The following REN variants were observed in gnomAD, a reference collection of about 807,000 sequenced individuals.
The protein encoded by REN is angiotensin-forming enzyme.
A neutral mutation model predicts 48.6 loss-of-function variants in REN; 42 were observed. That is an observed-to-expected ratio of 0.86 (90% CI 0.68 to 1.12). The LOEUF is 1.12. Among genes scored for constraint, REN ranks in the 50% most tolerant of loss-of-function variants. The probability of loss-of-function intolerance (pLI) is 0.00; values close to 1 mark genes in which losing one functional copy is unlikely to be tolerated. For synonymous variants in REN, 196 were observed against 204.6 expected (o/e 0.96, Z 0.36); for missense variants, 443 against 527.3 (o/e 0.84, Z 1.57).
chr1:204,155,721 T>C, intron 9 of REN, 99 bp downstream of exon 9: 1 of 971,562 alleles, frequency 1.0e-6, no homozygotes, highest in East Asian at 2.6e-5. Context: ...GTTTGAGAAC[T>C]ACAGTTCTAA....
chr1:204,159,081 A>G (rs1194897472), intron 5 of REN, among the ~76,000 whole-genome samples: 1 of 152,154 alleles, frequency 6.6e-6, no homozygotes, highest in Non-Finnish European at 1.5e-5. Flanking sequence ...TGTCTATTAG[A>G]ATGTCCTGTC....
At chr1:204,164,653 C>T (rs1658313118) in intron 1 of REN, among the ~76,000 whole-genome samples, 1 of 148,856 alleles carries the variant, frequency 6.7e-6, no homozygotes, top group African/African-American at 2.5e-5. Flanking sequence ...TCACTGCAGC[C>T]TCCACCTCCC....
In REN at chr1:204,159,399, C is replaced by A; in HGVS notation, c.689G>T (p.Arg230Ile). ...CAGCCCTTGGAGTCCCAGTCCCCAC[C>A]TGTTGTAGTAGAAAGAGAAGACGTC... ...KEDVFSFYYNRDSENSQSLGG... is the reference protein window; with the variant it reads ...KEDVFSFYYNIDSENSQSLGG... The change falls in exon 5 of 10, where the codon AGA (arginine) becomes ATA (isoleucine). Residue 230 changes from arginine (R) to isoleucine (I), a missense_variant and splice_region_variant. Physicochemically the swap from Arg to Ile is moderately conservative, Grantham distance 97. Transcript: ENST00000272190. The A allele has an allele frequency of 6.2e-7, 1 of 1,614,046 alleles. No homozygotes were observed. Among genetic ancestry groups the A allele is most frequent in the Non-Finnish European group, 8.5e-7 (1 of 1,179,922 alleles).
intron 1 of REN, among the ~76,000 whole-genome samples, chr1:204,163,229 T>C (rs1190276931): frequency 6.6e-6 from 1 of 152,224 alleles, no homozygotes; most frequent in Non-Finnish European, 1.5e-5. Flanking sequence ...AGTCCTCCTA[T>C]ACTCACACTA....
At position 204,156,369 on chromosome 1, in the gene REN, T is replaced by A. The variant is rs752952763; in HGVS notation, c.819-50A>T. ...ACAGACAGACAGACAGACAGAAGGC[T>A]GATGGGGCACCTCCAGGCTGCATGT... On this transcript the variant is annotated intron_variant, in intron 7 of 9. Transcript: ENST00000272190. The surrounding 1 kb of genome is among the most constrained non-coding windows in gnomAD (Gnocchi z 4.2). The A allele has an allele frequency of 9.4e-6, 13 of 1,380,986 alleles. No individual in the cohort carries two copies. The Admixed American group carries it at 1.3e-4, about 13-fold the overall frequency. The allele number at this position is 1,380,986 out of a possible 1,614,324, so 85.5% of individuals were successfully genotyped here. A position where few individuals can be genotyped will look rare whatever the true frequency, so the allele number is the denominator to read the frequency against.
chr1:204,161,988 G>A (rs1323922048), intron 2 of REN, 25 bp downstream of exon 2: 2 of 1,613,190 alleles, frequency 1.2e-6, no homozygotes, highest in African/African-American at 1.3e-5. Context: ...CAGGGAGGGA[G>A]CGAGGGGCTG....
chr1:204,163,096 C>T lies in REN; in HGVS notation c.99-933G>A, dbSNP rs530856445. On this transcript the variant is annotated intron_variant, in intron 1 of 9. Transcript: ENST00000272190. ...TCCCGACATAAAGGCTGCCAAAGCCCAGAGGAAGATGTCTCTAGCTGTTCA... is the reference window on the plus strand; with the variant it reads ...TCCCGACATAAAGGCTGCCAAAGCCTAGAGGAAGATGTCTCTAGCTGTTCA... Among the ~76,000 whole-genome samples, 55 of 152,304 alleles carry T rather than the reference C, an allele frequency of 3.6e-4. 1 individual carries two copies. Among genetic ancestry groups the T allele is most frequent in the Admixed American group, 1.3e-4 (2 of 15,296 alleles).
chr1:204,161,717 G>C (rs866186981), intron 2 of REN, among the ~76,000 whole-genome samples: 3 of 152,044 alleles, frequency 2.0e-5, no homozygotes, highest in Non-Finnish European at 4.4e-5. Context: ...GCTGGGCCAG[G>C]TCACAGAAAC....
At chr1:204,163,994 A>C (rs894005780) in intron 1 of REN, among the ~76,000 whole-genome samples, 2 of 152,190 alleles carry the variant, frequency 1.3e-5, no homozygotes, top group Non-Finnish European at 2.9e-5. Context: ...TTGAGAATGG[A>C]GCTCATTCAT....
intron 3 of REN, 78 bp downstream of exon 3, chr1:204,161,214 G>C: frequency 6.8e-7 from 1 of 1,468,048 alleles, no homozygotes; most frequent in South Asian, 1.5e-5. Context: ...AGGGATGGGA[G>C]CTGGGTGTTG....
In REN at chr1:204,160,543, A is replaced by T. The variant is rs5707; in HGVS notation, c.492+17T>A. Reference sequence around the variant, plus strand: ...AGAAGGGGTCCGGGGCAGATGACCTAGGGCGGCCCAACTTACGGTGATGAT... The same window carrying T: ...AGAAGGGGTCCGGGGCAGATGACCTTGGGCGGCCCAACTTACGGTGATGAT... On this transcript the variant is annotated intron_variant, in intron 4 of 9. Transcript: ENST00000272190. The T allele has an allele frequency of 2.6e-6, 4 of 1,565,796 alleles. No individual in the cohort carries two copies. The highest frequency in any genetic ancestry group is 4.5e-5 in the East Asian group (2 of 44,640).
intron 1 of REN, 87 bp downstream of exon 1, chr1:204,166,109 T>A: frequency 9.3e-7 from 1 of 1,074,008 alleles, no homozygotes; most frequent in Admixed American, 1.7e-5. Context: ...AAGGACTGAA[T>A]GACACCGCAT....
At chr1:204,159,666 C>T (rs972264276) in intron 4 of REN, 71 bp from the exon 5 acceptor site, 11 of 1,368,500 alleles carry the variant, frequency 8.0e-6, no homozygotes, top group Admixed American at 1.7e-5. Flanking sequence ...TCTGGGCTTC[C>T]ACACTAGGGA....
Position 204,154,901 on chromosome 1 carries a change from C to T in REN, c.*115G>A. 8.1e-7 allele frequency: 1 copy of T among 1,230,444 alleles called. No individual in the cohort carries two copies. The highest frequency in any genetic ancestry group is 1.2e-6 in the Non-Finnish European group (1 of 857,378). 76.2% of individuals were successfully genotyped at this position (1,230,444 alleles called of 1,614,324 possible). A position where few individuals can be genotyped will look rare whatever the true frequency, so the allele number is the denominator to read the frequency against. The stretch of plus-strand genomic sequence containing the variant: ...GGTCAGGGCACGCATCCAGCAGGAG[C>T]TCCACATCCAATGTCTCCATCTGAG... On this transcript the variant is annotated 3_prime_UTR_variant, in exon 10 of 10. Transcript: ENST00000272190.
In REN at chr1:204,159,590, A is replaced by G. The variant is rs1448085952; in HGVS notation, c.498T>C (p.Gly166=). The change falls in exon 5 of 10, where the codon GGT becomes GGC. Residue 166 remains glycine (G), a synonymous_variant. Transcript: ENST00000272190. ...GFLSQDIITV[G]GITVTQMFGE... Reference sequence around the variant, plus strand: ...CAAACATCTGTGTCACCGTGATTCCACCCACCTGTGGGAGGAAGGACCAGA... The same window carrying G: ...CAAACATCTGTGTCACCGTGATTCCGCCCACCTGTGGGAGGAAGGACCAGA... The G allele has an allele frequency of 6.2e-7, 1 of 1,613,756 alleles. No homozygotes were observed. The highest frequency in any genetic ancestry group is 2.2e-5 in the East Asian group (1 of 44,862).
At chr1:204,157,870 G>T (rs767495655) in intron 5 of REN, among the ~76,000 whole-genome samples, 1 of 152,146 alleles carries the variant, frequency 6.6e-6, no homozygotes, top group Admixed American at 6.5e-5. Context: ...CCCATCCCAA[G>T]ATAAAAGAAG....
Position 204,156,943 on chromosome 1 carries a change from G to A in REN, c.699-147C>T. The A allele has an allele frequency of 1.9e-6, 2 of 1,053,384 alleles. No individual in the cohort carries two copies. Among genetic ancestry groups the A allele is most frequent in the Non-Finnish European group, 2.9e-6 (2 of 689,840 alleles). 65.3% of individuals were successfully genotyped at this position (1,053,384 alleles called of 1,614,324 possible). ...GGGACAGACAGCCAGGCTCGGAGCT[G>A]TCGTTGGGAAGCATGCAGAACATAC... On this transcript the variant is annotated intron_variant, in intron 6 of 9. Coordinates refer to ENST00000272190, the MANE Select transcript of REN (RefSeq NM_000537.4). The surrounding 1 kb of genome is among the most constrained non-coding windows in gnomAD (Gnocchi z 4.2).
rs1658158266 is a variant in REN at position 204,156,757 on chromosome 1, GCCTCCCAGCACAATCTGT to G, written c.720_737del (p.Gln241_Gly246del). ...TCCCTTCGTAATGCTGGGGGTCGCTGCCTCCCAGCACAATCTGTCCTCCCAGCGATTGGGAATTCCTAA... is the reference window on the plus strand; with the variant it reads ...TCCCTTCGTAATGCTGGGGGTCGCTGCCTCCCAGCGATTGGGAATTCCTAA... On this transcript the variant is annotated inframe_deletion, in exon 7 of 10. Coordinates refer to ENST00000272190, the MANE Select transcript of REN (RefSeq NM_000537.4). The surrounding 1 kb of genome is among the most constrained non-coding windows in gnomAD (Gnocchi z 4.2). 1 of 1,613,904 alleles carries G rather than the reference GCCTCCCAGCACAATCTGT, an allele frequency of 6.2e-7. No homozygotes were observed. Among genetic ancestry groups the G allele is most frequent in the African/African-American group, 1.3e-5 (1 of 74,878 alleles).
At position 204,155,868 on chromosome 1, in the gene REN, G is replaced by A. The variant is rs907806988; in HGVS notation, c.1011C>T (p.His337=). The A allele has an allele frequency of 3.7e-6, 6 of 1,613,990 alleles. No homozygotes were observed. In the Admixed American group the frequency reaches 1.0e-4, roughly 27 times the overall value. ...TGAGCGTGTATTCTTTGCCTCCCAG[G>A]TGGAAAGAGATGTCGGGGAGTGTAG... is the stretch of plus-strand genomic sequence containing the variant. ...EGPTLPDISF[H]LGGKEYTLTS... is the part of the protein sequence containing the mutation. Residue 337 remains histidine (H), a synonymous_variant, in exon 9 of 10, where the codon CAC becomes CAT. Coordinates refer to ENST00000272190, the MANE Select transcript of REN (RefSeq NM_000537.4).
Sources: gnomAD v4.1 joint callset for allele counts (sites outside exome capture counted in the v4.1 genomes callset) on GRCh38, gnomAD v4.1.1 for gene constraint, Gnocchi (gnomAD v3.1) non-coding constraint, MANE v1.5 for transcripts, NCBI Gene and HGNC (gene_info 2026-07-23, HGNC 2026-07-21) for gene names.